The following KCNB2 variants were observed in gnomAD, a reference collection of about 807,000 sequenced individuals.
KCNB2 encodes the protein potassium voltage-gated channel subfamily B member 2.
Under a neutral mutation model 61.5 loss-of-function variants are expected in KCNB2, and 15 were observed. That is an observed-to-expected ratio of 0.24 (90% CI 0.16 to 0.38). The LOEUF is 0.38. KCNB2 is among the 10% of genes least tolerant of loss of function. The pLI, the probability that KCNB2 is intolerant of heterozygous loss-of-function variation, is 1.00. For synonymous variants in KCNB2, 457 were observed against 446.0 expected (o/e 1.02, Z -0.31); for missense variants, 828 against 1,125.2 (o/e 0.74, Z 3.78).
At position 72,647,621 on chromosome 8, in the gene KCNB2, G is replaced by A. The variant is rs559648604; in HGVS notation, c.579+79308G>A. ...CAGTAACCACTGACAGTGGGGGGCA[G>A]AAAGGAGTTCCATTCTGATTTGCAC... On this transcript the variant is annotated intron_variant, in intron 2 of 2. Coordinates refer to ENST00000523207, the MANE Select transcript of KCNB2 (RefSeq NM_004770.3). Among the ~76,000 whole-genome samples, 6 of 152,274 alleles carry A rather than the reference G, an allele frequency of 3.9e-5. No homozygotes were observed. In the South Asian group the frequency reaches 1.2e-3, roughly 32 times the overall value.
At chr8:72,731,201 G>T (rs538347348) in intron 2 of KCNB2, among the ~76,000 whole-genome samples, 1 of 152,294 alleles carries the variant, frequency 6.6e-6, no homozygotes, top group African/African-American at 2.4e-5. Context: ...CATCGTACAT[G>T]TATTATCCTA....
At chr8:72,765,047 A>G (rs139980487) in intron 2 of KCNB2, among the ~76,000 whole-genome samples, 202 of 152,332 alleles carry the variant, frequency 1.3e-3, no homozygotes, top group African/African-American at 4.5e-3. Context: ...AGAGACTGAC[A>G]TAACTCTGTT....
intron 2 of KCNB2, among the ~76,000 whole-genome samples, chr8:72,716,606 T>G (rs200388291): frequency 6.6e-6 from 1 of 152,152 alleles, no homozygotes; most frequent in South Asian, 2.1e-4. Flanking sequence ...TTAACAAAAT[T>G]CAACAACACT....
chr8:72,679,150 G>A (rs545203616), intron 2 of KCNB2, among the ~76,000 whole-genome samples: 2 of 152,232 alleles, frequency 1.3e-5, no homozygotes, highest in African/African-American at 2.4e-5. Context: ...TTTGCTTTAA[G>A]GGGATTTAGA....
intron 2 of KCNB2, among the ~76,000 whole-genome samples, chr8:72,857,965 T>C (rs1262605227): frequency 6.6e-6 from 1 of 152,158 alleles, no homozygotes; most frequent in African/African-American, 2.4e-5. Context: ...CTCTTTCCAC[T>C]AGGCCAAGAA....
At chr8:72,747,289 G>A (rs1808092012) in intron 2 of KCNB2, among the ~76,000 whole-genome samples, 1 of 152,180 alleles carries the variant, frequency 6.6e-6, no homozygotes, top group Non-Finnish European at 1.5e-5. Context: ...CTGGGAAAGA[G>A]GAGCTGTCCC....
At chr8:72,800,010 A>G (rs1809097307) in intron 2 of KCNB2, among the ~76,000 whole-genome samples, 1 of 152,152 alleles carries the variant, frequency 6.6e-6, no homozygotes, top group Non-Finnish European at 1.5e-5. Flanking sequence ...AGGCCAGAGC[A>G]CGGTGGGCCT....
intron 2 of KCNB2, among the ~76,000 whole-genome samples, chr8:72,935,533 C>T (rs775048971): frequency 6.6e-6 from 1 of 152,152 alleles, no homozygotes; most frequent in Admixed American, 6.5e-5. Flanking sequence ...CTGGCGATCA[C>T]CAATTCTGTC....
intron 2 of KCNB2, chr8:72,751,040 G>A (rs888585477): frequency 1.4e-4 from 22 of 152,070 alleles, no homozygotes; most frequent in African/African-American, 5.1e-4. Context: ...AGGCTACCCT[G>A]CCTGTATCAG....
At position 72,938,159 on chromosome 8, in the gene KCNB2, T is replaced by A; in HGVS notation, c.*68T>A. On this transcript the variant is annotated 3_prime_UTR_variant, in exon 3 of 3. Transcript: ENST00000523207. The stretch of plus-strand genomic sequence containing the variant: ...AAAACTTGTTTCTTAAAAATGCGGT[T>A]AATAATGCCTGTGAACTAAAAAAAT... The A allele has an allele frequency of 7.7e-7, 1 of 1,301,832 alleles. No individual in the cohort carries two copies. The highest frequency in any genetic ancestry group is 1.1e-6 in the Non-Finnish European group (1 of 936,682). The allele number at this position is 1,301,832 out of a possible 1,614,324, so 80.6% of individuals were successfully genotyped here. A position where few individuals can be genotyped will look rare whatever the true frequency, so the allele number is the denominator to read the frequency against.
intron 2 of KCNB2, among the ~76,000 whole-genome samples, chr8:72,832,927 C>T (rs990534119): frequency 6.6e-6 from 1 of 152,208 alleles, no homozygotes; most frequent in African/African-American, 2.4e-5. Flanking sequence ...GCTATATAAA[C>T]ATCCTTAGGA....
At chr8:72,737,967 A>T (rs1807878150) in intron 2 of KCNB2, among the ~76,000 whole-genome samples, 1 of 152,192 alleles carries the variant, frequency 6.6e-6, no homozygotes, top group African/African-American at 2.4e-5. Context: ...CCCTAGACCC[A>T]CTTTAGCCTT....
chr8:72,853,042 G>A (rs1020902028), intron 2 of KCNB2, among the ~76,000 whole-genome samples: 3 of 152,184 alleles, frequency 2.0e-5, no homozygotes, highest in African/African-American at 7.2e-5. Flanking sequence ...GTTGAAAAGA[G>A]CACTAGATTT....
At chr8:72,795,535 C>A (rs1809018090) in intron 2 of KCNB2, among the ~76,000 whole-genome samples, 1 of 152,176 alleles carries the variant, frequency 6.6e-6, no homozygotes, top group Admixed American at 6.5e-5. Context: ...AATCCATGTG[C>A]CACACAAGGA....
chr8:72,815,879 T>C (rs12675061), intron 2 of KCNB2, among the ~76,000 whole-genome samples: 13,252 of 152,100 alleles, frequency 0.087, 950 homozygotes, highest in East Asian at 0.4. Flanking sequence ...ATGAAAAGCT[T>C]GTGAGAACTA....
chr8:72,678,138 C>A (rs1350764279), intron 2 of KCNB2, among the ~76,000 whole-genome samples: 1 of 152,290 alleles, frequency 6.6e-6, no homozygotes, highest in East Asian at 1.9e-4. Context: ...TACCCCACAT[C>A]GATTATATGA....
intron 2 of KCNB2, among the ~76,000 whole-genome samples, chr8:72,868,112 C>T (rs1462687295): frequency 4.7e-5 from 7 of 148,484 alleles, no homozygotes; most frequent in African/African-American, 7.4e-5. Flanking sequence ...CACTCCATTG[C>T]GCAGGCTAGA....
chr8:72,933,454 A>T (rs1806832575), intron 2 of KCNB2, among the ~76,000 whole-genome samples: 1 of 152,262 alleles, frequency 6.6e-6, no homozygotes, highest in Non-Finnish European at 1.5e-5. Context: ...AGTAAAATGC[A>T]TTCAAAATTA....
At chr8:72,893,170 C>T (rs186694743) in intron 2 of KCNB2, among the ~76,000 whole-genome samples, 2 of 151,090 alleles carry the variant, frequency 1.3e-5, no homozygotes, top group Non-Finnish European at 2.9e-5. Context: ...ATTTTGTTTG[C>T]TTTTGTGATA....
Sources: gnomAD v4.1 joint callset for allele counts (sites outside exome capture counted in the v4.1 genomes callset) on GRCh38, gnomAD v4.1.1 for gene constraint, MANE v1.5 for transcripts, NCBI Gene and HGNC (gene_info 2026-07-23, HGNC 2026-07-21) for gene names.